The following RALA variants were observed in gnomAD, a reference collection of about 807,000 sequenced individuals.
RALA encodes RAS like proto-oncogene A.
In RALA, 5 loss-of-function variants were observed where a neutral mutation model predicts 24.0. That is an observed-to-expected ratio of 0.21 (90% CI 0.11 to 0.44). RALA has a LOEUF of 0.44. Among genes scored for constraint, RALA ranks in the 20% least tolerant of loss-of-function variants. The probability of loss-of-function intolerance (pLI) is 0.99; values close to 1 mark genes in which losing one functional copy is unlikely to be tolerated. For synonymous variants in RALA, 77 were observed against 83.8 expected, an observed-to-expected ratio of 0.92 and a Z score of 0.44; for missense variants, 95 against 241.2, an observed-to-expected ratio of 0.39 and a Z score of 4.01.
At chr7:39,667,674 C>T (rs1411366912) in intron 1 of RALA, among the ~76,000 whole-genome samples, 1 of 152,250 alleles carries the variant, frequency 6.6e-6, no homozygotes, top group Non-Finnish European at 1.5e-5. Context: ...ATCCTGCCCA[C>T]ACAACCAGCC....
chr7:39,691,023 G>A (rs1223864176), intron 3 of RALA, among the ~76,000 whole-genome samples: 1 of 152,158 alleles, frequency 6.6e-6, no homozygotes, highest in Non-Finnish European at 1.5e-5. Context: ...TCAAAATATA[G>A]ATGCCCTGAT....
chr7:39,624,354 T>TA (rs1443180433), intron 1 of RALA: 1 of 151,308 alleles, frequency 6.6e-6, no homozygotes, highest in South Asian at 2.1e-4. Context: ...TTTTCAGACT[T>TA]AAAGTCATTA....
intron 1 of RALA, among the ~76,000 whole-genome samples, chr7:39,635,267 C>T (rs1162250447): frequency 1.3e-5 from 2 of 151,998 alleles, no homozygotes; most frequent in South Asian, 2.1e-4. Flanking sequence ...CCTAGCTACT[C>T]GGGATGCTGA....
chr7:39,646,318 A>G (rs1562610417), intron 1 of RALA, among the ~76,000 whole-genome samples: 1 of 151,896 alleles, frequency 6.6e-6, no homozygotes, highest in Admixed American at 6.6e-5. Flanking sequence ...AAAATAAAAA[A>G]TAAAAACAAG....
intron 1 of RALA, among the ~76,000 whole-genome samples, chr7:39,664,975 A>C (rs1792257547): frequency 1.3e-5 from 2 of 152,238 alleles, no homozygotes; most frequent in African/African-American, 4.8e-5. Context: ...ACTGCTTTTG[A>C]CTTCGTTTAC....
intron 1 of RALA, among the ~76,000 whole-genome samples, chr7:39,634,746 G>C (rs1292187138): frequency 6.6e-6 from 1 of 151,706 alleles, no homozygotes; most frequent in African/African-American, 2.4e-5. Context: ...AGCTTTCTTA[G>C]TCCCTAAGAA....
chr7:39,652,572 T>G (rs1479906726), intron 1 of RALA, among the ~76,000 whole-genome samples: 1 of 152,142 alleles, frequency 6.6e-6, no homozygotes, highest in Non-Finnish European at 1.5e-5. Flanking sequence ...AGGAGTAACA[T>G]AAACCTGTTG....
rs183136421 is a variant in RALA at position 39,663,528 on chromosome 7, C to T, written c.-37-23103C>T. Among the ~76,000 whole-genome samples the T allele has an allele frequency of 2.9e-3, 439 of 150,660 alleles. 1 individual carries two copies. The highest frequency in any genetic ancestry group is 6.9e-3 in the Middle Eastern group (2 of 288). ...AAGAAGCAGAGAAAAGTCAACATTA[C>T]AAGAAACAAGTTTAATTGCCTGATA... On this transcript the variant is annotated intron_variant, in intron 1 of 4. Coordinates refer to ENST00000005257, the MANE Select transcript of RALA (RefSeq NM_005402.4).
At chr7:39,690,664 T>G in intron 3 of RALA, 74 bp downstream of exon 3, 1 of 1,200,002 alleles carries the variant, frequency 8.3e-7, no homozygotes, top group Non-Finnish European at 1.2e-6. Context: ...AGTAGACAAC[T>G]AGAGGTTCTA....
chr7:39,662,121 A>T (rs1235418078), intron 1 of RALA, among the ~76,000 whole-genome samples: 1 of 152,148 alleles, frequency 6.6e-6, no homozygotes. Context: ...TCCCTAGGCT[A>T]CACACAGCAT....
chr7:39,670,489 G>A (rs2116021860), intron 1 of RALA, among the ~76,000 whole-genome samples: 1 of 152,148 alleles, frequency 6.6e-6, no homozygotes, highest in Admixed American at 6.5e-5. Flanking sequence ...GTTAAATTCA[G>A]TAAATAAAAA....
At chr7:39,656,877 T>C (rs1792104530) in intron 1 of RALA, among the ~76,000 whole-genome samples, 2 of 152,358 alleles carry the variant, frequency 1.3e-5, no homozygotes, top group South Asian at 4.1e-4. Flanking sequence ...ATGTCACATC[T>C]GACTACCCTG....
chr7:39,680,250 T>C (rs113361558), intron 1 of RALA, among the ~76,000 whole-genome samples: 3,743 of 151,896 alleles, frequency 0.025, 87 homozygotes, highest in East Asian at 0.14. Flanking sequence ...GCACCTGTAG[T>C]CCCAGCTACT....
At chr7:39,639,894 A>G (rs749636396) in intron 1 of RALA, among the ~76,000 whole-genome samples, 17 of 152,166 alleles carry the variant, frequency 1.1e-4, no homozygotes, top group South Asian at 4.1e-4. Flanking sequence ...TCTTATGCAC[A>G]TCTTTGCAAT....
In RALA at chr7:39,660,532, C is replaced by G. The variant is rs573693062; in HGVS notation, c.-37-26099C>G. ...TAATGAATTTGCCTTCTCTGCATAA[C>G]TTTTTCTTTTCACTTGCATTGATTA... On this transcript the variant is annotated intron_variant, in intron 1 of 4. Transcript: ENST00000005257. Among the ~76,000 whole-genome samples the G allele has an allele frequency of 3.3e-5, 5 of 152,052 alleles. No homozygotes were observed. The South Asian group carries it at 8.3e-4, about 25-fold the overall frequency.
At chr7:39,632,525 T>G (rs1251434028) in intron 1 of RALA, among the ~76,000 whole-genome samples, 1 of 152,188 alleles carries the variant, frequency 6.6e-6, no homozygotes, top group East Asian at 1.9e-4. Flanking sequence ...TAAGAGATGC[T>G]TATGGAGATT....
chr7:39,670,765 T>C (rs914813797), intron 1 of RALA, among the ~76,000 whole-genome samples: 2 of 152,216 alleles, frequency 1.3e-5, no homozygotes, highest in Non-Finnish European at 2.9e-5. Flanking sequence ...TCAATATTGC[T>C]GAAAACATTC....
intron 1 of RALA, among the ~76,000 whole-genome samples, chr7:39,648,933 C>T (rs942866929): frequency 2.0e-5 from 3 of 152,152 alleles, no homozygotes; most frequent in Admixed American, 6.6e-5. Flanking sequence ...GTGGCATGCG[C>T]CTGTAATCCC....
chr7:39,675,632 G>T (rs935596618), intron 1 of RALA, among the ~76,000 whole-genome samples: 2 of 151,932 alleles, frequency 1.3e-5, no homozygotes, highest in African/African-American at 4.8e-5. Flanking sequence ...TGGCTGAGGT[G>T]GGAGGATCAC....
Sources: gnomAD v4.1 joint callset for allele counts (sites outside exome capture counted in the v4.1 genomes callset) on GRCh38, gnomAD v4.1.1 for gene constraint, MANE v1.5 for transcripts, NCBI Gene and HGNC (gene_info 2026-07-23, HGNC 2026-07-21) for gene names.